Variants in UNC5D observed in about 807,000 individuals in gnomAD.
UNC5D encodes the protein unc-5 netrin receptor D.
Under a neutral mutation model 105.4 loss-of-function variants are expected in UNC5D, and 39 were observed. The observed-to-expected ratio is 0.37, with a 90% confidence interval of 0.29 to 0.48. The LOEUF (loss-of-function observed/expected upper bound fraction) is 0.48. UNC5D is among the 20% of genes least tolerant of loss of function. The pLI is 0.98. For missense variants in UNC5D, 991 were observed against 1,202.4 expected (o/e 0.82, Z 2.60); for synonymous variants, 452 against 450.4 (o/e 1.00, Z -0.04).
intron 4 of UNC5D, among the ~76,000 whole-genome samples, chr8:35,643,847 C>T (rs1293236517): frequency 2.0e-5 from 3 of 152,124 alleles, no homozygotes; most frequent in Non-Finnish European, 4.4e-5. Flanking sequence ...GCCCTATCAA[C>T]AAAACTAGAG....
chr8:35,308,728 T>C (rs1808631531), intron 1 of UNC5D, among the ~76,000 whole-genome samples: 1 of 152,192 alleles, frequency 6.6e-6, no homozygotes, highest in South Asian at 2.1e-4. Context: ...GAATCAATAA[T>C]GATTATTCCT....
intron 1 of UNC5D, among the ~76,000 whole-genome samples, chr8:35,271,729 G>T (rs143824217): frequency 0.041 from 4,703 of 113,364 alleles, 284 homozygotes; most frequent in Non-Finnish European, 0.065. Context: ...ATGTATACAT[G>T]TATACATATA....
At chr8:35,721,458 G>A (rs1205232622) in intron 8 of UNC5D, 1 of 702,914 alleles carries the variant, frequency 1.4e-6, no homozygotes, top group Non-Finnish European at 2.6e-6. Flanking sequence ...TCAATAGGAT[G>A]GAGTAGGAGA....
chr8:35,282,483 A>C (rs1376390065), intron 1 of UNC5D, among the ~76,000 whole-genome samples: 4 of 152,168 alleles, frequency 2.6e-5, no homozygotes, highest in Non-Finnish European at 5.9e-5. Context: ...AAGTCTCTTC[A>C]ATAGGGCATA....
At chr8:35,371,570 T>C (rs886879728) in intron 1 of UNC5D, among the ~76,000 whole-genome samples, 2 of 152,196 alleles carry the variant, frequency 1.3e-5, no homozygotes, top group African/African-American at 4.8e-5. Context: ...AGGACTTGGC[T>C]GAGGACCTAT....
chr8:35,488,207 T>TCA (rs1172058486), intron 1 of UNC5D, among the ~76,000 whole-genome samples: 1 of 152,098 alleles, frequency 6.6e-6, no homozygotes, highest in Non-Finnish European at 1.5e-5. Context: ...ATGGATACAA[T>TCA]CAGCCATCTC....
chr8:35,417,595 C>T (rs1463413826), intron 1 of UNC5D, among the ~76,000 whole-genome samples: 1 of 152,006 alleles, frequency 6.6e-6, no homozygotes, highest in Non-Finnish European at 1.5e-5. Flanking sequence ...TCTTATTTTG[C>T]TTGAAGTAAC....
chr8:35,544,422 A>G (rs79617262), intron 1 of UNC5D: 2 of 1,606,788 alleles, frequency 1.2e-6, no homozygotes, highest in South Asian at 1.1e-5. Flanking sequence ...TAAAAAAAAA[A>G]GCTGTAATAT....
At chr8:35,626,204 T>A (rs1169025399) in intron 4 of UNC5D, among the ~76,000 whole-genome samples, 1 of 152,024 alleles carries the variant, frequency 6.6e-6, no homozygotes, top group African/African-American at 2.4e-5. Context: ...TTTTTTTTTT[T>A]TTTTAAAGGT....
intron 4 of UNC5D, among the ~76,000 whole-genome samples, chr8:35,658,609 AG>A (rs1182172968): frequency 6.7e-6 from 1 of 149,774 alleles, no homozygotes; most frequent in East Asian, 2.0e-4. Context: ...GAGAAAAGTT[AG>A]GAAGTGACCT....
Position 35,670,396 on chromosome 8 carries a change from G to C in UNC5D, c.571-13151G>C, listed in dbSNP as rs185116723. On this transcript the variant is annotated intron_variant, in intron 4 of 16. Coordinates refer to ENST00000404895, the MANE Select transcript of UNC5D (RefSeq NM_080872.4). ...GGCATAATTTTGATTCTACTTTGAA[G>C]ACACATGTACATGTATGTTTATTGC... Among the ~76,000 whole-genome samples the C allele has an allele frequency of 3.7e-3, 557 of 152,242 alleles. 6 individuals carry two copies. The highest frequency in any genetic ancestry group is 0.013 in the African/African-American group (523 of 41,550).
chr8:35,566,999 G>A (rs1484378578), intron 2 of UNC5D, among the ~76,000 whole-genome samples: 2 of 151,884 alleles, frequency 1.3e-5, no homozygotes, highest in Non-Finnish European at 2.9e-5. Flanking sequence ...TTGGTCAAAG[G>A]TGGAGAAGAA....
At chr8:35,577,777 A>G (rs1169547036) in intron 3 of UNC5D, among the ~76,000 whole-genome samples, 1 of 152,192 alleles carries the variant, frequency 6.6e-6, no homozygotes, top group Non-Finnish European at 1.5e-5. Flanking sequence ...GGGTAACTAG[A>G]TAATAGCATT....
In UNC5D at chr8:35,683,209, TATC is replaced by T. The variant is rs371872520; in HGVS notation, c.571-326_571-324del. Among the ~76,000 whole-genome samples the T allele has an allele frequency of 4.6e-5, 7 of 152,308 alleles. 1 individual carries two copies. Among genetic ancestry groups the T allele is most frequent in the African/African-American group, 1.7e-4 (7 of 41,570 alleles). ...CTCCACTTTGGACCAATTATTGAAA[TATC>T]ATCATCATCATGAACGTTGTAATGA... is the stretch of plus-strand genomic sequence containing the variant. On this transcript the variant is annotated intron_variant, in intron 4 of 16. Transcript: ENST00000404895.
chr8:35,570,962 A>G (rs796359906), intron 3 of UNC5D, among the ~76,000 whole-genome samples: 69 of 152,218 alleles, frequency 4.5e-4, no homozygotes, highest in African/African-American at 1.6e-3. Flanking sequence ...CCATCAAGAA[A>G]GAAAGAAAGA....
chr8:35,507,331 A>G (rs1461960491), intron 1 of UNC5D, among the ~76,000 whole-genome samples: 1 of 152,120 alleles, frequency 6.6e-6, no homozygotes, highest in Admixed American at 6.6e-5. Flanking sequence ...CTGGGATTAC[A>G]GGCGTGAGCC....
At chr8:35,504,651 T>C (rs1024575068) in intron 1 of UNC5D, among the ~76,000 whole-genome samples, 3 of 152,216 alleles carry the variant, frequency 2.0e-5, no homozygotes, top group Admixed American at 6.5e-5. Flanking sequence ...TTCTGGCAAC[T>C]CTAATAGAGT....
intron 4 of UNC5D, among the ~76,000 whole-genome samples, chr8:35,604,683 A>G (rs967955062): frequency 1.3e-5 from 2 of 152,190 alleles, no homozygotes; most frequent in African/African-American, 4.8e-5. Context: ...AGGTATACCA[A>G]TTAGACGTAG....
At chr8:35,566,733 A>G (rs185269319) in intron 2 of UNC5D, among the ~76,000 whole-genome samples, 41 of 152,326 alleles carry the variant, frequency 2.7e-4, no homozygotes, top group Admixed American at 2.3e-3. Flanking sequence ...AAATGTAAAG[A>G]GCGCATAGGT....
Sources: allele counts gnomAD v4.1 joint callset (sites outside exome capture counted in the v4.1 genomes callset), GRCh38; gene constraint gnomAD v4.1.1; transcripts MANE v1.5; gene names NCBI Gene and HGNC (gene_info 2026-07-23, HGNC 2026-07-21).